CCDC7: variants seen among roughly 807,000 people sequenced by gnomAD.
The protein encoded by CCDC7 is coiled-coil domain containing 7.
Under a neutral mutation model 196.9 loss-of-function variants are expected in CCDC7, and 183 were observed. The observed-to-expected ratio is 0.93, with a 90% CI of 0.82 to 1.05. CCDC7 has a LOEUF of 1.05. Among genes scored for constraint, CCDC7 ranks in the 50% least tolerant of loss-of-function variants. The pLI, the probability that CCDC7 is intolerant of heterozygous loss-of-function variation, is 0.00. For missense variants in CCDC7, 1,540 were observed against 1,482.2 expected (o/e 1.04, Z -0.64); for synonymous variants, 525 against 484.6 (o/e 1.08, Z -1.10).
At chr10:32,639,841 T>G (rs1407474051) in intron 20 of CCDC7, among the ~76,000 whole-genome samples, 1 of 152,040 alleles carries the variant, frequency 6.6e-6, no homozygotes, top group Non-Finnish European at 1.5e-5. Context: ...ATGGTCTCGA[T>G]CTCCTGACCT....
chr10:32,792,512 A>C (rs2082865391), intron 29 of CCDC7, among the ~76,000 whole-genome samples: 1 of 152,210 alleles, frequency 6.6e-6, no homozygotes, highest in Non-Finnish European at 1.5e-5. Flanking sequence ...CTTAAAACCT[A>C]GATGTTGGCT....
At chr10:32,467,859 T>C (rs1173253471) in intron 5 of CCDC7, among the ~76,000 whole-genome samples, 1 of 152,236 alleles carries the variant, frequency 6.6e-6, no homozygotes, top group African/African-American at 2.4e-5. Flanking sequence ...CTTCATTGTT[T>C]GCTTTTGTCA....
chr10:32,705,277 T>C (rs1363458301), intron 24 of CCDC7, among the ~76,000 whole-genome samples: 1 of 152,250 alleles, frequency 6.6e-6, no homozygotes, highest in East Asian at 1.9e-4. Flanking sequence ...GTGAGAGATT[T>C]TGTCGCCACC....
At chr10:32,711,542 T>G in intron 24 of CCDC7, 78 bp from the exon 26 acceptor site, 1 of 823,932 alleles carries the variant, frequency 1.2e-6, no homozygotes, top group East Asian at 2.9e-5. Flanking sequence ...TTGCTTCCAC[T>G]TGTTATAAAT....
At chr10:32,616,418 C>T (rs143358670) in intron 18 of CCDC7, among the ~76,000 whole-genome samples, 1 of 151,894 alleles carries the variant, frequency 6.6e-6, no homozygotes, top group Non-Finnish European at 1.5e-5. Flanking sequence ...ATTTTTATAG[C>T]CATTGTGAAT....
At chr10:32,700,597 C>T (rs1008540225) in intron 24 of CCDC7, among the ~76,000 whole-genome samples, 6 of 152,122 alleles carry the variant, frequency 3.9e-5, no homozygotes, top group East Asian at 3.8e-4. Flanking sequence ...TGAAGAAAGT[C>T]GTTGGTAGCT....
intron 29 of CCDC7, among the ~76,000 whole-genome samples, chr10:32,784,135 A>C (rs1048548103): frequency 1.3e-5 from 2 of 152,184 alleles, no homozygotes; most frequent in African/African-American, 4.8e-5. Flanking sequence ...TAAAATAATA[A>C]ATTTTATATT....
In CCDC7 at chr10:32,708,556, T is replaced by G. The variant is rs190421092; in HGVS notation, c.2459-3064T>G. 2.1e-3 allele frequency among the ~76,000 whole-genome samples: 327 copies of G among 152,228 alleles called. 6 individuals are homozygous for G. Among genetic ancestry groups the G allele is most frequent in the Admixed American group, 0.015 (236 of 15,284 alleles). On this transcript the variant is annotated intron_variant, in intron 24 of 41. Coordinates refer to ENST00000639629, the Ensembl canonical transcript of CCDC7. ...GGCAACCTACAGAATGGGAGAAAAT[T>G]TTTGCAATCTACCCATGTGACAAAG...
intron 41 of CCDC7, among the ~76,000 whole-genome samples, chr10:32,869,710 G>A (rs1272480553): frequency 2.0e-5 from 3 of 152,072 alleles, no homozygotes; most frequent in East Asian, 1.9e-4. Flanking sequence ...CTAACATTTA[G>A]GTCTTTAATC....
chr10:32,698,560 C>T (rs768371550), intron 24 of CCDC7, among the ~76,000 whole-genome samples: 69 of 152,176 alleles, frequency 4.5e-4, no homozygotes, highest in Admixed American at 1.1e-3. Context: ...GATGCATGCA[C>T]AAGCTTCAGT....
At chr10:32,677,238 A>T (rs1202836684) in intron 21 of CCDC7, among the ~76,000 whole-genome samples, 2 of 150,058 alleles carry the variant, frequency 1.3e-5, no homozygotes, top group African/African-American at 2.5e-5. Flanking sequence ...GGGGGGAAGG[A>T]TAGCATTAGG....
chr10:32,612,471 G>A (rs1047981144), intron 18 of CCDC7, among the ~76,000 whole-genome samples: 2 of 152,282 alleles, frequency 1.3e-5, no homozygotes, highest in African/African-American at 4.8e-5. Context: ...TAGGAGTGGT[G>A]AGAGAGGGCA....
rs536041814 is a variant in CCDC7 at position 32,549,890 on chromosome 10, A to T, written c.1134+5589A>T. ...CTTTTTGCTTAGTCTTACTTTGGCT[A>T]TGGGGGCTCTGTTTTGGTTCCATAT... On this transcript the variant is annotated intron_variant, in intron 13 of 41. Coordinates refer to ENST00000639629, the Ensembl canonical transcript of CCDC7. Among the ~76,000 whole-genome samples the T allele has an allele frequency of 5.5e-4, 83 of 152,198 alleles. No individual in the cohort carries two copies. The Middle Eastern group carries it at 0.014, about 25-fold the overall frequency.
intron 32 of CCDC7, among the ~76,000 whole-genome samples, chr10:32,828,482 AGAG>A (rs1331794080): frequency 0.023 from 1,776 of 76,178 alleles, 51 homozygotes; most frequent in Non-Finnish European, 0.032. Context: ...AGGAAGAGGA[AGAG>A]GAAGAAGAAG....
chr10:32,564,005 C>A (rs528899860), intron 13 of CCDC7, among the ~76,000 whole-genome samples: 2 of 152,318 alleles, frequency 1.3e-5, no homozygotes, highest in South Asian at 4.1e-4. Context: ...TGAGCAGACA[C>A]TTCTCAAAAG....
At chr10:32,850,774 A>AACACACACACACAC (rs59662474) in intron 39 of CCDC7, among the ~76,000 whole-genome samples, 51 of 146,812 alleles carry the variant, frequency 3.5e-4, no homozygotes, top group African/African-American at 1.3e-3. Context: ...TGTCTCTGAC[A>AACACACACACACAC]ACACACACAC....
chr10:32,629,612 C>T (rs2064551407), intron 18 of CCDC7, among the ~76,000 whole-genome samples: 1 of 152,088 alleles, frequency 6.6e-6, no homozygotes, highest in South Asian at 2.1e-4. Flanking sequence ...CTCACACCCT[C>T]CTAGCAGTGG....
intron 28 of CCDC7, among the ~76,000 whole-genome samples, chr10:32,751,687 A>G (rs993617340): frequency 6.6e-6 from 1 of 152,168 alleles, no homozygotes; most frequent in African/African-American, 2.4e-5. Flanking sequence ...ATAGTAACCA[A>G]GACTTCACCT....
In CCDC7 at chr10:32,584,212, T is replaced by C; in HGVS notation, c.1729-20T>C. ...TATGTATATAATTTCTAATTACTTA[T>C]TACAACTTTTGTTATTAAGGCTGAT... On this transcript the variant is annotated intron_variant, in intron 17 of 41. Coordinates refer to ENST00000639629, the Ensembl canonical transcript of CCDC7. The C allele has an allele frequency of 6.9e-7, 1 of 1,452,670 alleles. No individual in the cohort carries two copies. The highest frequency in any genetic ancestry group is 1.3e-5 in the South Asian group (1 of 74,880). 90.0% of individuals were successfully genotyped at this position (1,452,670 alleles called of 1,614,324 possible). A position where few individuals can be genotyped will look rare whatever the true frequency, so the allele number is the denominator to read the frequency against.
Sources: gnomAD v4.1 joint callset for allele counts (sites outside exome capture counted in the v4.1 genomes callset) on GRCh38, gnomAD v4.1.1 for gene constraint, MANE v1.5 for transcripts, NCBI Gene and HGNC (gene_info 2026-07-23, HGNC 2026-07-21) for gene names.